Variants in DLGAP2 observed in about 807,000 individuals in gnomAD.
DLGAP2 encodes DLG associated protein 2.
In DLGAP2, 26 loss-of-function variants were observed where a neutral mutation model predicts 100.3. The observed-to-expected ratio is 0.26, with a 90% confidence interval of 0.19 to 0.36. The LOEUF (loss-of-function observed/expected upper bound fraction) is 0.36. Ranked by LOEUF, DLGAP2 falls within the 10% of genes least tolerant of loss-of-function variation. The pLI is 1.00. For missense variants in DLGAP2, 1,858 were observed against 1,453.2 expected, an observed-to-expected ratio of 1.28 and a Z score of -4.53; for synonymous variants, 886 against 630.1, an observed-to-expected ratio of 1.41 and a Z score of -6.08.
At chr8:889,167 A>T (rs1266996888) in intron 1 of DLGAP2, among the ~76,000 whole-genome samples, 1 of 152,216 alleles carries the variant, frequency 6.6e-6, no homozygotes, top group Non-Finnish European at 1.5e-5. Flanking sequence ...AGGCAGGAAC[A>T]GGCCATTTTC....
chr8:1,066,056 GC>G (rs1268583381), intron 2 of DLGAP2, among the ~76,000 whole-genome samples: 2 of 152,184 alleles, frequency 1.3e-5, no homozygotes, highest in African/African-American at 4.8e-5. Context: ...GGCTTGTGGG[GC>G]AGGTCTGAGC....
Position 825,608 on chromosome 8 carries a change from C to T in DLGAP2, c.19-82304C>T, listed in dbSNP as rs78941058. ...CAGATGTTGCTAATTTGGGTCTTCT[C>T]GCTGTTCTTCCTCTTCAGTCTGAAG... On this transcript the variant is annotated intron_variant, in intron 1 of 14. Coordinates refer to ENST00000637795, the MANE Select transcript of DLGAP2 (RefSeq NM_001346810.2). Among the ~76,000 whole-genome samples, 7 of 152,260 alleles carry T rather than the reference C, an allele frequency of 4.6e-5. No individual in the cohort carries two copies. The East Asian group carries it at 5.8e-4, about 13-fold the overall frequency.
chr8:1,407,031 T>A lies in DLGAP2; in HGVS notation c.107-94335T>A, dbSNP rs1247008567. On this transcript the variant is annotated intron_variant, in intron 3 of 14. Coordinates refer to ENST00000637795, the MANE Select transcript of DLGAP2 (RefSeq NM_001346810.2). ...TTGTCCTCCAGAGTCGTGTATTGAG[T>A]GCTTACTGAGCGCCACCTCCTTGTC... Among the ~76,000 whole-genome samples, 12 of 24,380 alleles carry A rather than the reference T, an allele frequency of 4.9e-4. 1 individual carries two copies. The highest frequency in any genetic ancestry group is 1.6e-3 in the African/African-American group (4 of 2,478). The allele number at this position is 24,380 out of a possible 152,430, so 16.0% of individuals were successfully genotyped here. A position where few individuals can be genotyped will look rare whatever the true frequency, so the allele number is the denominator to read the frequency against.
chr8:1,331,097 C>T (rs990259891), intron 3 of DLGAP2, among the ~76,000 whole-genome samples: 3 of 152,182 alleles, frequency 2.0e-5, no homozygotes, highest in Admixed American at 1.3e-4. Context: ...GGCTTAGCTG[C>T]CTGCTGGGTA....
At chr8:1,355,816 G>A (rs1484799969) in intron 3 of DLGAP2, among the ~76,000 whole-genome samples, 1 of 152,104 alleles carries the variant, frequency 6.6e-6, no homozygotes, top group Non-Finnish European at 1.5e-5. Context: ...CCACGGTCCT[G>A]GCCATGCCCA....
chr8:1,451,575 G>A (rs1231576635), intron 3 of DLGAP2, among the ~76,000 whole-genome samples: 6 of 151,908 alleles, frequency 3.9e-5, no homozygotes, highest in South Asian at 2.1e-4. Context: ...CATCAAATCC[G>A]AGGTACCTGT....
intron 2 of DLGAP2, among the ~76,000 whole-genome samples, chr8:1,218,476 G>A (rs922933383): frequency 1.3e-5 from 2 of 148,606 alleles, no homozygotes; most frequent in African/African-American, 2.6e-5. Flanking sequence ...TGTTGTTGTT[G>A]TTGTTTTATT....
intron 6 of DLGAP2, among the ~76,000 whole-genome samples, chr8:1,586,150 C>T (rs916006226): frequency 2.0e-5 from 3 of 152,360 alleles, no homozygotes; most frequent in Non-Finnish European, 2.9e-5. Flanking sequence ...GGGCTAAGGC[C>T]GAGGTGTCGG....
At chr8:1,493,255 C>T (rs1799446034) in intron 3 of DLGAP2, among the ~76,000 whole-genome samples, 1 of 152,216 alleles carries the variant, frequency 6.6e-6, no homozygotes, top group South Asian at 2.1e-4. Context: ...GGGCTGCTTT[C>T]ATCTCCGCAG....
rs1799742406 is a variant in DLGAP2 at position 1,707,636 on chromosome 8, A to T, written c.*6230A>T. 1 of 152,162 alleles carries T rather than the reference A, an allele frequency of 6.6e-6. No individual in the cohort carries two copies. 9.4% of individuals were successfully genotyped at this position (152,162 alleles called of 1,614,324 possible). ...GGCAGGACAGGTCCTCCCTGCAGAGAGAGACAACTCATCCCCCGACCTTCC... is the reference window on the plus strand; with the variant it reads ...GGCAGGACAGGTCCTCCCTGCAGAGTGAGACAACTCATCCCCCGACCTTCC... On this transcript the variant is annotated 3_prime_UTR_variant, in exon 15 of 15. Transcript: ENST00000637795.
chr8:1,544,584 C>T (rs1169039660), intron 4 of DLGAP2, among the ~76,000 whole-genome samples: 1 of 152,170 alleles, frequency 6.6e-6, no homozygotes, highest in Non-Finnish European at 1.5e-5. Flanking sequence ...AGTATGTGGC[C>T]TTTTCCCCTT....
intron 6 of DLGAP2, among the ~76,000 whole-genome samples, chr8:1,612,542 G>C (rs2130734359): frequency 7.8e-6 from 1 of 127,502 alleles, no homozygotes; most frequent in South Asian, 3.1e-4. Context: ...TTGACAAATG[G>C]GATCTAATTA....
intron 2 of DLGAP2, among the ~76,000 whole-genome samples, chr8:1,186,265 C>G (rs973162166): frequency 6.6e-6 from 1 of 152,224 alleles, no homozygotes; most frequent in African/African-American, 2.4e-5. Context: ...ACTAGAGGGC[C>G]GAGCATCTGC....
At chr8:940,352 C>CAGAG (rs139040145) in intron 2 of DLGAP2, among the ~76,000 whole-genome samples, 4 of 148,384 alleles carry the variant, frequency 2.7e-5, no homozygotes, top group African/African-American at 7.4e-5. Context: ...GGCACAGGGA[C>CAGAG]AGAGAGAGAG....
intron 3 of DLGAP2, among the ~76,000 whole-genome samples, chr8:1,471,846 C>T (rs1798804845): frequency 6.6e-6 from 1 of 152,028 alleles, no homozygotes; most frequent in South Asian, 2.1e-4. Flanking sequence ...TTCTTTTCTT[C>T]CAGGAGCTCA....
chr8:1,433,892 C>T (rs191060604), intron 3 of DLGAP2, among the ~76,000 whole-genome samples: 82 of 152,226 alleles, frequency 5.4e-4, no homozygotes, highest in African/African-American at 1.8e-3. Context: ...CAGTGCTGTC[C>T]ATGGTCCCTG....
intron 2 of DLGAP2, among the ~76,000 whole-genome samples, chr8:1,194,433 C>T (rs528903140): frequency 5.3e-5 from 8 of 152,266 alleles, no homozygotes; most frequent in Non-Finnish European, 1.2e-4. Flanking sequence ...GCTCCTCCTG[C>T]CCAGGGCGGC....
intron 3 of DLGAP2, among the ~76,000 whole-genome samples, chr8:1,425,042 A>C (rs2129952079): frequency 6.6e-6 from 1 of 152,372 alleles, no homozygotes; most frequent in Non-Finnish European, 1.5e-5. Context: ...GCTGATCTCA[A>C]TTTAAACATT....
chr8:1,483,972 T>G lies in DLGAP2; in HGVS notation c.107-17394T>G, dbSNP rs180758151. The stretch of plus-strand genomic sequence containing the variant: ...AGGTGGGCAACAGTGTTCTTGCCCA[T>G]GGGTTTAGCGTGATATGGAAACTGG... On this transcript the variant is annotated intron_variant, in intron 3 of 14. Transcript: ENST00000637795. Among the ~76,000 whole-genome samples, 5 of 152,360 alleles carry G rather than the reference T, an allele frequency of 3.3e-5. No homozygotes were observed. The East Asian group carries it at 7.7e-4, about 24-fold the overall frequency.
Sources: gnomAD v4.1 joint callset for allele counts (sites outside exome capture counted in the v4.1 genomes callset) on GRCh38, gnomAD v4.1.1 for gene constraint, MANE v1.5 for transcripts, NCBI Gene and HGNC (gene_info 2026-07-23, HGNC 2026-07-21) for gene names.